CNTNAP2: variants seen among roughly 807,000 people sequenced by gnomAD.
CNTNAP2 encodes the protein contactin-associated protein-like 2.
A neutral mutation model predicts 155.2 loss-of-function variants in CNTNAP2; 98 were observed. The observed-to-expected ratio is 0.63, with a 90% CI of 0.54 to 0.75. The LOEUF (loss-of-function observed/expected upper bound fraction) is 0.75. Ranked by LOEUF, CNTNAP2 falls within the 30% of genes least tolerant of loss-of-function variation. The pLI, the probability that CNTNAP2 is intolerant of heterozygous loss-of-function variation, is 0.00. For missense variants in CNTNAP2, 1,727 were observed against 1,688.1 expected (o/e 1.02, Z -0.40); for synonymous variants, 651 against 631.2 (o/e 1.03, Z -0.47).
chr7:148,267,757 C>T (rs1322226192), intron 21 of CNTNAP2, among the ~76,000 whole-genome samples: 6 of 151,952 alleles, frequency 3.9e-5, no homozygotes, highest in Non-Finnish European at 2.9e-5. Flanking sequence ...TTGTTTGGTG[C>T]GTGGCATAAA....
At chr7:146,706,265 G>A (rs974156905) in intron 1 of CNTNAP2, among the ~76,000 whole-genome samples, 8 of 152,058 alleles carry the variant, frequency 5.3e-5, no homozygotes, top group Admixed American at 1.3e-4. Flanking sequence ...TGGTTCTAGC[G>A]ATATTTGAGC....
chr7:146,884,951 C>G (rs1795626895), intron 3 of CNTNAP2, among the ~76,000 whole-genome samples: 1 of 152,124 alleles, frequency 6.6e-6, no homozygotes, highest in African/African-American at 2.4e-5. Flanking sequence ...TAAGTCTCTA[C>G]AAGCCTAATC....
At chr7:146,442,710 C>G (rs1048575805) in intron 1 of CNTNAP2, among the ~76,000 whole-genome samples, 4 of 152,078 alleles carry the variant, frequency 2.6e-5, no homozygotes, top group Admixed American at 6.6e-5. Context: ...TTTGTGGTAT[C>G]GTACTAGCCC....
intron 1 of CNTNAP2, among the ~76,000 whole-genome samples, chr7:146,482,543 G>T (rs911275987): frequency 6.6e-6 from 1 of 151,858 alleles, no homozygotes; most frequent in Non-Finnish European, 1.5e-5. Flanking sequence ...AAGAGATTGA[G>T]ACCATCCTGG....
intron 20 of CNTNAP2, among the ~76,000 whole-genome samples, chr7:148,254,136 C>A (rs1312477608): frequency 6.6e-6 from 1 of 152,126 alleles, no homozygotes; most frequent in African/African-American, 2.4e-5. Context: ...AAAGGCCCTG[C>A]TTTGAGAATT....
chr7:148,118,393 C>T (rs186624619), intron 16 of CNTNAP2, 105 bp downstream of exon 16: 15,098 of 1,284,618 alleles, frequency 0.012, 140 homozygotes, highest in Middle Eastern at 0.024. Flanking sequence ...TGGAAGGTTT[C>T]CTTTGTTCCA....
At chr7:147,725,928 C>A (rs1796633791) in intron 13 of CNTNAP2, among the ~76,000 whole-genome samples, 1 of 152,006 alleles carries the variant, frequency 6.6e-6, no homozygotes, top group Non-Finnish European at 1.5e-5. Context: ...AAGCTATATT[C>A]TTCCTGACTG....
chr7:147,132,623 A>G, intron 8 of CNTNAP2, 114 bp downstream of exon 8: 1 of 1,352,192 alleles, frequency 7.4e-7, no homozygotes, highest in Non-Finnish European at 1.0e-6. Context: ...GTTTTAATTC[A>G]GATCTTCAAG....
At chr7:146,673,838 C>T (rs1340563173) in intron 1 of CNTNAP2, among the ~76,000 whole-genome samples, 2 of 152,212 alleles carry the variant, frequency 1.3e-5, no homozygotes, top group Non-Finnish European at 2.9e-5. Flanking sequence ...CCACCCCAGC[C>T]TCCCAAAGTG....
In CNTNAP2 at chr7:146,363,498, G is replaced by A. The variant is rs116117265; in HGVS notation, c.97+246525G>A. Among the ~76,000 whole-genome samples the A allele has an allele frequency of 6.5e-3, 993 of 152,242 alleles. 10 individuals carry two copies. Among genetic ancestry groups the A allele is most frequent in the African/African-American group, 0.023 (946 of 41,536 alleles). ...CTAAGTGACTCTAACAGTAGAGACT[G>A]GGTAGAATGATGAAACTGTCAAAAG... On this transcript the variant is annotated intron_variant, in intron 1 of 23. Coordinates refer to ENST00000361727, the MANE Select transcript of CNTNAP2 (RefSeq NM_014141.6).
At chr7:146,522,957 T>C (rs801965) in intron 1 of CNTNAP2, among the ~76,000 whole-genome samples, 93,100 of 151,476 alleles carry the variant, frequency 0.61, 31,333 homozygotes, top group African/African-American at 0.89. Context: ...CATAATAGAA[T>C]GATATCTATT....
chr7:147,905,914 C>CAA (rs796945366), intron 14 of CNTNAP2, among the ~76,000 whole-genome samples: 2 of 146,280 alleles, frequency 1.4e-5, no homozygotes, highest in African/African-American at 5.0e-5. Flanking sequence ...AACAAACAAA[C>CAA]AAAAAAAAAC....
intron 1 of CNTNAP2, among the ~76,000 whole-genome samples, chr7:146,713,370 C>T (rs568830028): frequency 3.3e-5 from 5 of 152,220 alleles, no homozygotes; most frequent in Admixed American, 1.3e-4. Context: ...ACTTTTGCTT[C>T]TCTGGAAGGC....
intron 13 of CNTNAP2, among the ~76,000 whole-genome samples, chr7:147,827,757 G>T (rs1415578507): frequency 6.6e-6 from 1 of 152,142 alleles, no homozygotes; most frequent in Non-Finnish European, 1.5e-5. Context: ...GATTTAGAAA[G>T]TATGAGAGGG....
At chr7:148,020,352 C>T (rs1359518067) in intron 15 of CNTNAP2, among the ~76,000 whole-genome samples, 2 of 152,200 alleles carry the variant, frequency 1.3e-5, no homozygotes, top group African/African-American at 4.8e-5. Context: ...TATCACTAGT[C>T]TCCGATTAAC....
At chr7:147,474,745 G>A (rs1798285212) in intron 10 of CNTNAP2, among the ~76,000 whole-genome samples, 1 of 152,112 alleles carries the variant, frequency 6.6e-6, no homozygotes, top group African/African-American at 2.4e-5. Context: ...CCAGGAAAAT[G>A]CATAACCTGA....
intron 3 of CNTNAP2, among the ~76,000 whole-genome samples, chr7:146,926,485 T>C (rs1466587305): frequency 6.6e-6 from 1 of 152,106 alleles, no homozygotes; most frequent in Admixed American, 6.6e-5. Flanking sequence ...TAGTAAGCTT[T>C]TGAGCACTTA....
Position 146,739,801 on chromosome 7 carries a change from G to T in CNTNAP2, c.98-34470G>T, listed in dbSNP as rs141729777. Among the ~76,000 whole-genome samples, 600 of 151,968 alleles carry T rather than the reference G, an allele frequency of 3.9e-3. 2 individuals are homozygous for T. Among genetic ancestry groups the T allele is most frequent in the Middle Eastern group, 0.017 (5 of 292 alleles). ...CTCTTTTTAAGTATATTAATACTTG[G>T]TTTGTATATTTAGGTGCTCCAGTTA... is the stretch of plus-strand genomic sequence containing the variant. On this transcript the variant is annotated intron_variant, in intron 1 of 23. Coordinates refer to ENST00000361727, the MANE Select transcript of CNTNAP2 (RefSeq NM_014141.6).
At chr7:146,329,738 C>T (rs1801150655) in intron 1 of CNTNAP2, among the ~76,000 whole-genome samples, 1 of 152,082 alleles carries the variant, frequency 6.6e-6, no homozygotes, top group South Asian at 2.1e-4. Flanking sequence ...ATCGGTATTA[C>T]TGCAACACTT....
Sources: allele counts gnomAD v4.1 joint callset (sites outside exome capture counted in the v4.1 genomes callset), GRCh38; gene constraint gnomAD v4.1.1; transcripts MANE v1.5; gene names NCBI Gene and HGNC (gene_info 2026-07-23, HGNC 2026-07-21).